Variants in LARGE1 observed in about 807,000 individuals in gnomAD.
LARGE1 encodes the protein LARGE xylosyl- and glucuronyltransferase 1, also known as xylosyl- and glucuronyltransferase LARGE1.
In LARGE1, 43 loss-of-function variants were observed where a neutral mutation model predicts 87.6. That is an observed-to-expected ratio of 0.49 (90% CI 0.38 to 0.63). The LOEUF is 0.63. Ranked by LOEUF, LARGE1 falls within the 30% of genes least tolerant of loss-of-function variation. The pLI is 0.00. For synonymous variants in LARGE1, 434 were observed against 394.6 expected (o/e 1.10, Z -1.18); for missense variants, 802 against 1,000.2 (o/e 0.80, Z 2.67).
At chr22:33,718,662 C>A (rs11914160) in intron 2 of LARGE1, among the ~76,000 whole-genome samples, 1 of 152,350 alleles carries the variant, frequency 6.6e-6, no homozygotes, top group African/African-American at 2.4e-5. Flanking sequence ...AATCAATGCA[C>A]GTTCATGCCC....
At chr22:33,499,318 G>A (rs1271550383) in intron 6 of LARGE1, among the ~76,000 whole-genome samples, 1 of 152,162 alleles carries the variant, frequency 6.6e-6, no homozygotes, top group African/African-American at 2.4e-5. Flanking sequence ...GGTTTAGATG[G>A]GACTGACCTC....
chr22:33,347,619 A>G (rs1256914595), intron 9 of LARGE1, among the ~76,000 whole-genome samples: 2 of 152,220 alleles, frequency 1.3e-5, no homozygotes, highest in Non-Finnish European at 2.9e-5. Context: ...ATATTTTCAC[A>G]AGTCCTTTTC....
intron 1 of LARGE1, among the ~76,000 whole-genome samples, chr22:33,870,262 G>A (rs889869114): frequency 6.6e-6 from 1 of 152,160 alleles, no homozygotes; most frequent in South Asian, 2.1e-4. Flanking sequence ...CAGTTTCAGA[G>A]AGCATGGCCC....
intron 9 of LARGE1, among the ~76,000 whole-genome samples, chr22:33,344,628 A>G (rs2146663594): frequency 6.6e-6 from 1 of 152,208 alleles, no homozygotes; most frequent in South Asian, 2.1e-4. Context: ...CTGACTCAGG[A>G]TCTGTGTTGC....
intron 13 of LARGE1, among the ~76,000 whole-genome samples, chr22:33,281,702 T>G (rs1930475563): frequency 6.6e-6 from 1 of 152,182 alleles, no homozygotes; most frequent in Admixed American, 6.5e-5. Context: ...TTACTAACTC[T>G]TCCAGGCCAC....
At chr22:33,250,656 A>G (rs1017821481) in intron 11 of LARGE1, among the ~76,000 whole-genome samples, 4 of 152,172 alleles carry the variant, frequency 2.6e-5, no homozygotes, top group African/African-American at 9.7e-5. Flanking sequence ...TGTATTTTTT[A>G]TCAAGTTGAG....
At chr22:33,772,723 A>G (rs558074332) in intron 1 of LARGE1, among the ~76,000 whole-genome samples, 4 of 152,194 alleles carry the variant, frequency 2.6e-5, no homozygotes, top group Admixed American at 2.0e-4. Flanking sequence ...CAATTATTTG[A>G]TTGATTACTT....
chr22:33,772,729 T>C (rs747738400), intron 1 of LARGE1, among the ~76,000 whole-genome samples: 1 of 152,208 alleles, frequency 6.6e-6, no homozygotes, highest in Non-Finnish European at 1.5e-5. Context: ...TTTGATTGAT[T>C]ACTTGCTTAA....
At chr22:33,891,254 C>T in intron 1 of LARGE1, among the ~76,000 whole-genome samples, 1 of 152,210 alleles carries the variant, frequency 6.6e-6, no homozygotes, top group East Asian at 1.9e-4. Context: ...ATATCTCCAC[C>T]ACTAAACTTG....
intron 2 of LARGE1, among the ~76,000 whole-genome samples, chr22:33,666,396 C>G (rs942458444): frequency 1.3e-5 from 2 of 152,206 alleles, no homozygotes; most frequent in African/African-American, 2.4e-5. Context: ...GCTACCCTGC[C>G]TGGGTTGTCC....
chr22:33,854,656 C>A (rs1208363638), intron 1 of LARGE1, among the ~76,000 whole-genome samples: 1 of 148,752 alleles, frequency 6.7e-6, no homozygotes, highest in Non-Finnish European at 1.5e-5. Flanking sequence ...TTTTATTCTC[C>A]CCAAGTGTCT....
At chr22:33,636,637 C>T (rs2080275928) in intron 3 of LARGE1, among the ~76,000 whole-genome samples, 1 of 152,170 alleles carries the variant, frequency 6.6e-6, no homozygotes. Flanking sequence ...AAGCGATCCT[C>T]TCACCTCAGC....
At chr22:33,580,273 G>A (rs2078477899) in intron 5 of LARGE1, among the ~76,000 whole-genome samples, 1 of 152,040 alleles carries the variant, frequency 6.6e-6, no homozygotes, top group South Asian at 2.1e-4. Context: ...GGGAGGCTGA[G>A]GCAGGAGAAT....
intron 6 of LARGE1, among the ~76,000 whole-genome samples, chr22:33,494,433 G>A (rs2070003907): frequency 6.6e-6 from 1 of 152,224 alleles, no homozygotes. Flanking sequence ...AATGTATGTG[G>A]AAGTGCTCAG....
At chr22:33,224,342 C>G (rs976564153) in intron 11 of LARGE1, among the ~76,000 whole-genome samples, 1 of 129,398 alleles carries the variant, frequency 7.7e-6, no homozygotes, top group Non-Finnish European at 1.6e-5. Context: ...TATGACTAGA[C>G]AGCTCAGCTT....
rs542969549 is a variant in LARGE1, at chr22:33,311,590, C to T, written c.1451+4495G>A. The stretch of plus-strand genomic sequence containing the variant: ...AGTGAATCTGACGTTATCACCATCT[C>T]GTAGATGAGTCAAGTGAGGCTCAAA... On this transcript the variant is annotated intron_variant, in intron 11 of 14. Transcript: ENST00000397394. Among the ~76,000 whole-genome samples the T allele has an allele frequency of 2.9e-3, 437 of 152,272 alleles. 3 individuals carry two copies. The highest frequency in any genetic ancestry group is 5.2e-3 in the Non-Finnish European group (355 of 68,020).
intron 2 of LARGE1, among the ~76,000 whole-genome samples, chr22:33,683,130 G>A (rs1007487910): frequency 8.5e-5 from 13 of 152,228 alleles, no homozygotes; most frequent in East Asian, 1.9e-4. Flanking sequence ...GCTACAGGGT[G>A]CCCAGACATT....
intron 5 of LARGE1, among the ~76,000 whole-genome samples, chr22:33,566,972 T>A (rs1384190948): frequency 3.9e-5 from 6 of 152,072 alleles, no homozygotes; most frequent in Non-Finnish European, 7.4e-5. Flanking sequence ...TGTGTATGAG[T>A]CCCTGTCACC....
At chr22:33,410,595 C>T (rs1490656183) in intron 7 of LARGE1, among the ~76,000 whole-genome samples, 1 of 152,076 alleles carries the variant, frequency 6.6e-6, no homozygotes, top group Non-Finnish European at 1.5e-5. Context: ...TTATAAGTTT[C>T]CTGACGCCTC....
Sources: allele counts gnomAD v4.1 joint callset (sites outside exome capture counted in the v4.1 genomes callset), GRCh38; gene constraint gnomAD v4.1.1; transcripts MANE v1.5; gene names NCBI Gene and HGNC (gene_info 2026-07-23, HGNC 2026-07-21).